TAFA2: variants seen among roughly 807,000 people sequenced by gnomAD.
TAFA2 encodes the protein chemokine-like protein TAFA-2.
In TAFA2, 7 loss-of-function variants were observed where a neutral mutation model predicts 18.8. That is an observed-to-expected ratio of 0.37 (90% confidence interval 0.21 to 0.70). The LOEUF is 0.70. TAFA2 is among the 30% of genes least tolerant of loss of function. The pLI is 0.53. For synonymous variants in TAFA2, 60 were observed against 54.2 expected, an observed-to-expected ratio of 1.11 and a Z score of -0.47; for missense variants, 122 against 158.1, an observed-to-expected ratio of 0.77 and a Z score of 1.23.
intron 1 of TAFA2, among the ~76,000 whole-genome samples, chr12:62,018,632 T>A (rs1204361390): frequency 6.6e-6 from 1 of 152,180 alleles, no homozygotes; most frequent in Non-Finnish European, 1.5e-5. Flanking sequence ...TGGAGAAAGC[T>A]GAAACTGGAT....
intron 1 of TAFA2, among the ~76,000 whole-genome samples, chr12:61,899,282 C>T (rs1027278381): frequency 6.6e-6 from 1 of 152,122 alleles, no homozygotes; most frequent in South Asian, 2.1e-4. Flanking sequence ...GTCACTTCCA[C>T]ATTTTCAAGT....
intron 1 of TAFA2, among the ~76,000 whole-genome samples, chr12:62,247,639 G>C (rs551789463): frequency 2.0e-5 from 3 of 152,284 alleles, no homozygotes; most frequent in African/African-American, 7.2e-5. Flanking sequence ...CCCTTACGTA[G>C]AATGTGACTT....
chr12:62,219,865 G>C (rs1432564623), intron 1 of TAFA2, among the ~76,000 whole-genome samples: 1 of 152,094 alleles, frequency 6.6e-6, no homozygotes, highest in Non-Finnish European at 1.5e-5. Context: ...TTCTTTTGCA[G>C]AAAATACTCA....
chr12:62,002,847 G>C (rs1321297960), intron 1 of TAFA2, among the ~76,000 whole-genome samples: 1 of 151,914 alleles, frequency 6.6e-6, no homozygotes. Flanking sequence ...CACCTCCTGG[G>C]TTGCATCTTT....
chr12:61,767,781 CA>C (rs984703658), intron 2 of TAFA2, among the ~76,000 whole-genome samples: 1 of 151,430 alleles, frequency 6.6e-6, no homozygotes, highest in Non-Finnish European at 1.5e-5. Context: ...GGATGAAGCT[CA>C]TTTTTTTTTT....
intron 2 of TAFA2, among the ~76,000 whole-genome samples, chr12:61,758,939 G>A (rs866849821): frequency 6.6e-6 from 1 of 151,964 alleles, no homozygotes; most frequent in Admixed American, 6.6e-5. Context: ...AGATCACTAA[G>A]GTGAGATAGC....
At chr12:61,902,280 C>T (rs775228747) in intron 1 of TAFA2, among the ~76,000 whole-genome samples, 1 of 152,050 alleles carries the variant, frequency 6.6e-6, no homozygotes, top group Non-Finnish European at 1.5e-5. Flanking sequence ...GAACAACTGT[C>T]ACTAACTTTA....
At chr12:61,743,002 G>T (rs61403563) in intron 4 of TAFA2, among the ~76,000 whole-genome samples, 1 of 151,728 alleles carries the variant, frequency 6.6e-6, no homozygotes, top group Non-Finnish European at 1.5e-5. Flanking sequence ...AAGGTTCTTC[G>T]ATGATTCACC....
intron 2 of TAFA2, among the ~76,000 whole-genome samples, chr12:61,861,973 CT>C (rs568537910): frequency 2.0e-5 from 3 of 152,206 alleles, no homozygotes; most frequent in South Asian, 4.1e-4. Flanking sequence ...TTTTAGGCTC[CT>C]TTTTTTCGTG....
chr12:61,730,742 G>C (rs577786712), intron 4 of TAFA2, among the ~76,000 whole-genome samples: 1 of 152,204 alleles, frequency 6.6e-6, no homozygotes, highest in Non-Finnish European at 1.5e-5. Context: ...CAACAGGCCA[G>C]TCTCATTCCT....
chr12:62,060,981 T>C (rs1321819028), intron 1 of TAFA2, among the ~76,000 whole-genome samples: 4 of 151,024 alleles, frequency 2.6e-5, no homozygotes, highest in Non-Finnish European at 5.9e-5. Flanking sequence ...AAATGCATTT[T>C]AAGTAAAGTG....
At chr12:61,755,197 G>A (rs192013406) in intron 2 of TAFA2, among the ~76,000 whole-genome samples, 173 bp from the exon 3 acceptor site, 6 of 152,222 alleles carry the variant, frequency 3.9e-5, no homozygotes, top group Non-Finnish European at 7.4e-5. Flanking sequence ...TTTTCTAAAT[G>A]TGGTAGGAAC....
intron 1 of TAFA2, among the ~76,000 whole-genome samples, chr12:61,990,497 G>A (rs1051904032): frequency 4.0e-5 from 6 of 151,740 alleles, no homozygotes; most frequent in Non-Finnish European, 7.4e-5. Flanking sequence ...CCGCCACCAC[G>A]TCCGGCTAAT....
At chr12:62,211,682 G>A (rs1028148839) in intron 1 of TAFA2, among the ~76,000 whole-genome samples, 5 of 152,076 alleles carry the variant, frequency 3.3e-5, no homozygotes, top group African/African-American at 1.2e-4. Context: ...TTCAGGGGTT[G>A]GGCTTAGGCT....
At chr12:62,000,846 A>T (rs552787848) in intron 1 of TAFA2, among the ~76,000 whole-genome samples, 2 of 152,376 alleles carry the variant, frequency 1.3e-5, no homozygotes, top group African/African-American at 4.8e-5. Context: ...GATTCCATTT[A>T]TATAAAGGTC....
intron 1 of TAFA2, chr12:62,252,706 T>G (rs1274110991): frequency 6.6e-6 from 1 of 152,228 alleles, no homozygotes; most frequent in Non-Finnish European, 1.5e-5. Flanking sequence ...CGTTGCTCTA[T>G]CCGGCCGGCA....
chr12:62,113,676 C>T (rs1386326615), intron 1 of TAFA2, among the ~76,000 whole-genome samples: 1 of 152,180 alleles, frequency 6.6e-6, no homozygotes, highest in African/African-American at 2.4e-5. Context: ...GCCTTTCTTT[C>T]AGAGATGCCC....
chr12:61,738,511 C>T (rs1565756934), intron 4 of TAFA2, among the ~76,000 whole-genome samples: 1 of 152,026 alleles, frequency 6.6e-6, no homozygotes. Flanking sequence ...GTCTCCTTCA[C>T]CTGGTAGGCC....
intron 1 of TAFA2, chr12:61,879,933 A>T: frequency 1.1e-6 from 1 of 894,514 alleles, no homozygotes; most frequent in South Asian, 1.3e-5. Flanking sequence ...GATGAAGCTT[A>T]CAAGAACAAG....
Sources: allele counts gnomAD v4.1 joint callset (sites outside exome capture counted in the v4.1 genomes callset), GRCh38; gene constraint gnomAD v4.1.1; transcripts MANE v1.5; gene names NCBI Gene and HGNC (gene_info 2026-07-23, HGNC 2026-07-21).